Variants in PLXDC2 observed in about 807,000 individuals in gnomAD.
The protein encoded by PLXDC2 is plexin domain-containing protein 2.
Under a neutral mutation model 68.9 loss-of-function variants are expected in PLXDC2, and 40 were observed. That is an observed-to-expected ratio of 0.58 (90% confidence interval 0.45 to 0.76). The LOEUF is 0.76. Among genes scored for constraint, PLXDC2 ranks in the 30% least tolerant of loss-of-function variants. The pLI, the probability that PLXDC2 is intolerant of heterozygous loss-of-function variation, is 0.00. For synonymous variants in PLXDC2, 243 were observed against 234.2 expected, an observed-to-expected ratio of 1.04 and a Z score of -0.34; for missense variants, 644 against 661.9, an observed-to-expected ratio of 0.97 and a Z score of 0.30.
At chr10:20,211,874 A>G (rs781452818) in intron 10 of PLXDC2, 145 bp downstream of exon 10, 4 of 734,408 alleles carry the variant, frequency 5.4e-6, no homozygotes, top group Admixed American at 3.0e-5. Context: ...GTCTGCAAAT[A>G]TTAGGGGTTC....
chr10:19,907,400 T>A lies in PLXDC2; in HGVS notation c.112+90209T>A, dbSNP rs148075833. Among the ~76,000 whole-genome samples the A allele has an allele frequency of 5.2e-3, 799 of 152,276 alleles. 1 individual carries two copies. The highest frequency in any genetic ancestry group is 0.018 in the African/African-American group (734 of 41,558). On this transcript the variant is annotated intron_variant, in intron 1 of 13. Transcript: ENST00000377252. ...CCTCACCCTCTCCCCACCTTCACAG[T>A]ATGTAGGAAAATCAACAAGTTAGCA...
chr10:19,875,984 T>A (rs1431785233), intron 1 of PLXDC2, among the ~76,000 whole-genome samples: 1 of 152,148 alleles, frequency 6.6e-6, no homozygotes, highest in African/African-American at 2.4e-5. Flanking sequence ...TGAAAAAAAA[T>A]AACCTTAGCA....
rs1014243189 is a variant in PLXDC2 at position 20,280,588 on chromosome 10, A to T, written c.*769A>T. 3.3e-5 allele frequency: 5 copies of T among 152,164 alleles called. No individual in the cohort carries two copies. Among genetic ancestry groups the T allele is most frequent in the African/African-American group, 1.2e-4 (5 of 41,448 alleles). The allele number at this position is 152,164 out of a possible 1,614,324, so 9.4% of individuals were successfully genotyped here. On this transcript the variant is annotated 3_prime_UTR_variant, in exon 14 of 14. Coordinates refer to ENST00000377252, the MANE Select transcript of PLXDC2 (RefSeq NM_032812.9). Reference sequence around the variant, plus strand: ...GGGCTTTCTGTTTTCCTGCCTCAGCATGAAAACATCTGATTTATGCTTTAT... The same window carrying T: ...GGGCTTTCTGTTTTCCTGCCTCAGCTTGAAAACATCTGATTTATGCTTTAT...
intron 9 of PLXDC2, among the ~76,000 whole-genome samples, chr10:20,189,985 A>C (rs1834743278): frequency 6.6e-6 from 1 of 151,816 alleles, no homozygotes; most frequent in Admixed American, 6.6e-5. Context: ...ATATCAAGAC[A>C]TTCTTTTAAG....
At chr10:20,038,556 T>C (rs1408215758) in intron 2 of PLXDC2, among the ~76,000 whole-genome samples, 1 of 152,184 alleles carries the variant, frequency 6.6e-6, no homozygotes, top group East Asian at 1.9e-4. Flanking sequence ...ATGTAGTATT[T>C]GATGATGGGT....
At chr10:19,897,128 G>A (rs1012402297) in intron 1 of PLXDC2, among the ~76,000 whole-genome samples, 3 of 151,824 alleles carry the variant, frequency 2.0e-5, no homozygotes, top group African/African-American at 7.3e-5. Flanking sequence ...TTGTCTGTGA[G>A]TACACGACTC....
At position 20,019,553 on chromosome 10, in the gene PLXDC2, TA is replaced by T. The variant is rs758342247; in HGVS notation, c.324+17569del. On this transcript the variant is annotated intron_variant, in intron 2 of 13. Coordinates refer to ENST00000377252, the MANE Select transcript of PLXDC2 (RefSeq NM_032812.9). ...AGGGTTTTTAGGAGGCAATTAAGGTTAATGAGGTCATAAGGACGGAGTCCTA... is the reference window on the plus strand; with the variant it reads ...AGGGTTTTTAGGAGGCAATTAAGGTTATGAGGTCATAAGGACGGAGTCCTA... 2.1e-4 allele frequency among the ~76,000 whole-genome samples: 32 copies of T among 152,270 alleles called. No homozygotes were observed. The Middle Eastern group carries it at 0.01, about 49-fold the overall frequency.
At chr10:19,840,425 A>G (rs1836882064) in intron 1 of PLXDC2, among the ~76,000 whole-genome samples, 1 of 152,138 alleles carries the variant, frequency 6.6e-6, no homozygotes. Flanking sequence ...AGTTTATATT[A>G]TTTTTGAAGG....
chr10:19,836,877 T>C (rs1836802962), intron 1 of PLXDC2, among the ~76,000 whole-genome samples: 2 of 152,192 alleles, frequency 1.3e-5, no homozygotes, highest in South Asian at 2.1e-4. Flanking sequence ...CTTGCGAAGA[T>C]GAATTTTTGT....
At chr10:19,941,762 C>T (rs1833821868) in intron 1 of PLXDC2, among the ~76,000 whole-genome samples, 1 of 152,266 alleles carries the variant, frequency 6.6e-6, no homozygotes, top group South Asian at 2.1e-4. Flanking sequence ...TCTTTTCCTT[C>T]TTTCTCTTTT....
chr10:20,180,403 TC>T (rs1283774517), intron 9 of PLXDC2, among the ~76,000 whole-genome samples: 1 of 152,092 alleles, frequency 6.6e-6, no homozygotes, highest in African/African-American at 2.4e-5. Context: ...CAACTTAATT[TC>T]CCCACTGCAT....
intron 10 of PLXDC2, among the ~76,000 whole-genome samples, chr10:20,215,534 G>A (rs946117590): frequency 3.9e-5 from 6 of 151,968 alleles, no homozygotes; most frequent in African/African-American, 1.4e-4. Context: ...AATAAGATTA[G>A]GCATGCTTGT....
chr10:20,251,341 T>TA (rs980458649), intron 13 of PLXDC2, among the ~76,000 whole-genome samples: 1 of 152,248 alleles, frequency 6.6e-6, no homozygotes, highest in South Asian at 2.1e-4. Flanking sequence ...TAAGTTTTTT[T>TA]AAAAAAATGA....
At chr10:19,959,592 A>G (rs1187176001) in intron 1 of PLXDC2, among the ~76,000 whole-genome samples, 2 of 152,188 alleles carry the variant, frequency 1.3e-5, no homozygotes, top group African/African-American at 2.4e-5. Flanking sequence ...TACTTACTTA[A>G]ATTAAATTTA....
Position 20,201,436 on chromosome 10 carries a change from G to A in PLXDC2, c.1062-10233G>A, listed in dbSNP as rs1358337837. 2.6e-5 allele frequency among the ~76,000 whole-genome samples: 4 copies of A among 151,866 alleles called. No individual in the cohort carries two copies. The South Asian group carries it at 8.3e-4, about 31-fold the overall frequency. On this transcript the variant is annotated intron_variant, in intron 9 of 13. Coordinates refer to ENST00000377252, the MANE Select transcript of PLXDC2 (RefSeq NM_032812.9). ...GGAGAAAGGGAGAGATTTGTTAAAG[G>A]ATATAAATTATAGCTAGATAGGAGT...
At chr10:19,925,697 T>G (rs1833528883) in intron 1 of PLXDC2, among the ~76,000 whole-genome samples, 1 of 152,198 alleles carries the variant, frequency 6.6e-6, no homozygotes, top group Admixed American at 6.5e-5. Flanking sequence ...GGGACTGCTA[T>G]GGGGTGACAG....
chr10:19,890,921 A>G (rs771789485), intron 1 of PLXDC2, among the ~76,000 whole-genome samples: 30 of 152,008 alleles, frequency 2.0e-4, no homozygotes, highest in Non-Finnish European at 3.1e-4. Flanking sequence ...CATAAAAGCC[A>G]CTTGAAACTA....
At chr10:19,843,609 C>G (rs918388741) in intron 1 of PLXDC2, among the ~76,000 whole-genome samples, 1 of 152,110 alleles carries the variant, frequency 6.6e-6, no homozygotes, top group African/African-American at 2.4e-5. Context: ...GAAATCCTGT[C>G]ATTTGCAACA....
intron 7 of PLXDC2, 72 bp from the exon 8 acceptor site, chr10:20,176,927 C>A: frequency 9.3e-7 from 1 of 1,077,600 alleles, no homozygotes; most frequent in Non-Finnish European, 1.4e-6. Context: ...AATTCTATAT[C>A]CATTATTAAA....
Sources: gnomAD v4.1 joint callset for allele counts (sites outside exome capture counted in the v4.1 genomes callset) on GRCh38, gnomAD v4.1.1 for gene constraint, MANE v1.5 for transcripts, NCBI Gene and HGNC (gene_info 2026-07-23, HGNC 2026-07-21) for gene names.